Variants in FBLN5 observed in about 807,000 individuals in gnomAD.
FBLN5 encodes fibulin 5.
Under a neutral mutation model 61.6 loss-of-function variants are expected in FBLN5, and 24 were observed. The observed-to-expected ratio is 0.39, with a 90% CI of 0.28 to 0.55. The LOEUF is 0.55. Among genes scored for constraint, FBLN5 ranks in the 20% least tolerant of loss-of-function variants. The probability of loss-of-function intolerance (pLI) is 0.65; values close to 1 mark genes in which losing one functional copy is unlikely to be tolerated. For synonymous variants in FBLN5, 213 were observed against 219.8 expected, an observed-to-expected ratio of 0.97 and a Z score of 0.27; for missense variants, 470 against 594.1, an observed-to-expected ratio of 0.79 and a Z score of 2.17.
chr14:91,898,001 G>C (rs529811250), intron 4 of FBLN5, among the ~76,000 whole-genome samples: 16 of 152,262 alleles, frequency 1.1e-4, no homozygotes, highest in Non-Finnish European at 1.6e-4. Context: ...GGTGAGCCAA[G>C]ACTGCACCAC....
intron 6 of FBLN5, among the ~76,000 whole-genome samples, chr14:91,889,887 C>T (rs902626132): frequency 1.3e-5 from 2 of 152,260 alleles, no homozygotes; most frequent in African/African-American, 4.8e-5. Context: ...CTGAAAGACG[C>T]AGGCACCTTT....
At chr14:91,933,878 G>A (rs2055968852) in intron 4 of FBLN5, among the ~76,000 whole-genome samples, 1 of 152,176 alleles carries the variant, frequency 6.6e-6, no homozygotes, top group South Asian at 2.1e-4. Context: ...GGGAGGCCGA[G>A]GCATGAGGAT....
Position 91,937,209 on chromosome 14 carries a change from G to T in FBLN5, c.125-8C>A, listed in dbSNP as rs1317647068. On this transcript the variant is annotated splice_polypyrimidine_tract_variant and splice_region_variant and intron_variant, in intron 3 of 10. Transcript: ENST00000342058. ...TTCGGCATTCATCAATATCTGAAAG[G>T]CACAGAAAGGGCGAGCATTAGTGGC... The T allele has an allele frequency of 6.2e-7, 1 of 1,614,094 alleles. No homozygotes were observed. Among genetic ancestry groups the T allele is most frequent in the South Asian group, 1.1e-5 (1 of 91,076 alleles).
intron 4 of FBLN5, among the ~76,000 whole-genome samples, chr14:91,898,087 T>C (rs949552371): frequency 6.6e-6 from 1 of 152,236 alleles, no homozygotes; most frequent in South Asian, 2.1e-4. Flanking sequence ...ACGACACTTT[T>C]GTATTTGTTT....
intron 4 of FBLN5, among the ~76,000 whole-genome samples, chr14:91,902,503 G>T (rs919430960): frequency 6.6e-6 from 1 of 152,182 alleles, no homozygotes; most frequent in Non-Finnish European, 1.5e-5. Context: ...GGCTTGGAAA[G>T]CTGTGTTATT....
intron 4 of FBLN5, among the ~76,000 whole-genome samples, chr14:91,897,666 T>C (rs1391178364): frequency 6.6e-6 from 1 of 152,196 alleles, no homozygotes; most frequent in African/African-American, 2.4e-5. Context: ...AAGGGCCCCA[T>C]CGTGGGCATG....
chr14:91,882,874 G>A lies in FBLN5; in HGVS notation c.862+80C>T. 3 of 1,529,846 alleles carry A rather than the reference G, an allele frequency of 2.0e-6. No individual in the cohort carries two copies. In the South Asian group the frequency reaches 3.5e-5, roughly 18 times the overall value. The allele number at this position is 1,529,846 out of a possible 1,614,324, so 94.8% of individuals were successfully genotyped here. ...TCCCAAAGCTGCACATGATTCCCCA[G>A]GTGAGGATATCCAGATGAGCCCCTG... On this transcript the variant is annotated intron_variant, in intron 8 of 10. Transcript: ENST00000342058. The surrounding 1 kb of genome is among the most constrained non-coding windows in gnomAD (Gnocchi z 4.9).
At chr14:91,916,583 C>T (rs1467063149) in intron 4 of FBLN5, among the ~76,000 whole-genome samples, 2 of 152,210 alleles carry the variant, frequency 1.3e-5, no homozygotes, top group African/African-American at 2.4e-5. Flanking sequence ...AGTATCAGTA[C>T]TTGCTTACCT....
intron 4 of FBLN5, among the ~76,000 whole-genome samples, chr14:91,895,385 TGATTTA>T (rs1320096307): frequency 6.6e-6 from 1 of 152,220 alleles, no homozygotes; most frequent in Non-Finnish European, 1.5e-5. Context: ...AACCATTACT[TGATTTA>T]GAAAGCCATT....
chr14:91,894,085 C>G (rs1486765280), intron 5 of FBLN5, among the ~76,000 whole-genome samples: 1 of 152,202 alleles, frequency 6.6e-6, no homozygotes, highest in South Asian at 2.1e-4. Flanking sequence ...AAAAATACAT[C>G]CAAAACCATA....
chr14:91,904,980 C>T (rs1386219871), intron 4 of FBLN5, among the ~76,000 whole-genome samples: 5 of 152,174 alleles, frequency 3.3e-5, no homozygotes, highest in Admixed American at 3.3e-4. Flanking sequence ...GATACACCTT[C>T]CTGGCCTGAA....
chr14:91,919,953 A>G (rs941487726), intron 4 of FBLN5, among the ~76,000 whole-genome samples: 2 of 152,156 alleles, frequency 1.3e-5, no homozygotes, highest in African/African-American at 4.8e-5. Context: ...GCACCTCCCA[A>G]GCTTCCAGAG....
At position 91,943,743 on chromosome 14, in the gene FBLN5, T is replaced by C. The variant is rs2056142748; in HGVS notation, c.18-782A>G. Among the ~76,000 whole-genome samples the C allele has an allele frequency of 6.6e-6, 1 of 152,148 alleles. No homozygotes were observed. The highest frequency in any genetic ancestry group is 1.5e-5 in the Non-Finnish European group (1 of 68,020). ...ACAGGAAGTCACTGAACCAGAGCAT[T>C]GAGTCCACATGTGTGAAAATCCCCC... On this transcript the variant is annotated intron_variant, in intron 1 of 10. Coordinates refer to ENST00000342058, the MANE Select transcript of FBLN5 (RefSeq NM_006329.4). The surrounding 1 kb of genome is among the most constrained non-coding windows in gnomAD (Gnocchi z 4.0).
rs1022057402 is a variant in FBLN5, at chr14:91,908,248, T to C, written c.380-13176A>G. Reference sequence around the variant, plus strand: ...CTCCCGTTCTTGACTCCAATCAGGCTTCCTTCTCTTTTATTCCATTAAAGC... The same window carrying C: ...CTCCCGTTCTTGACTCCAATCAGGCCTCCTTCTCTTTTATTCCATTAAAGC... On this transcript the variant is annotated intron_variant, in intron 4 of 10. Transcript: ENST00000342058. 7.2e-5 allele frequency among the ~76,000 whole-genome samples: 11 copies of C among 152,204 alleles called. No homozygotes were observed. In the East Asian group the frequency reaches 2.1e-3, roughly 29 times the overall value.
At chr14:91,897,627 G>C (rs953953841) in intron 4 of FBLN5, among the ~76,000 whole-genome samples, 1 of 152,226 alleles carries the variant, frequency 6.6e-6, no homozygotes, top group South Asian at 2.1e-4. Flanking sequence ...ACGCATGCCA[G>C]CAGGCCAGGC....
rs372663860 is a variant in FBLN5, at chr14:91,882,188, A to T, written c.862+766T>A. 2.6e-5 allele frequency among the ~76,000 whole-genome samples: 4 copies of T among 152,154 alleles called. No homozygotes were observed. In the East Asian group the frequency reaches 7.7e-4, roughly 29 times the overall value. ...AAAAAAAAGAAAGAAAGAAAAGAAA[A>T]TATAGTAGTAAAAGTAATTTTACCC... On this transcript the variant is annotated intron_variant, in intron 8 of 10. Coordinates refer to ENST00000342058, the MANE Select transcript of FBLN5 (RefSeq NM_006329.4). This position sits in a 1 kb window ranked among gnomAD's most constrained non-coding sequence, Gnocchi z 4.9.
chr14:91,890,248 C>A (rs886859935), intron 6 of FBLN5, among the ~76,000 whole-genome samples: 1 of 152,110 alleles, frequency 6.6e-6, no homozygotes, highest in Non-Finnish European at 1.5e-5. Flanking sequence ...TCCTATTTAC[C>A]GATGATTTAG....
chr14:91,876,503 A>G, intron 10 of FBLN5, among the ~76,000 whole-genome samples: 1 of 152,154 alleles, frequency 6.6e-6, no homozygotes, highest in East Asian at 1.9e-4. Flanking sequence ...GAATCTGGAC[A>G]GAGAGATTAT....
intron 4 of FBLN5, among the ~76,000 whole-genome samples, chr14:91,913,793 C>T (rs927444829): frequency 1.8e-4 from 28 of 152,144 alleles, no homozygotes; most frequent in African/African-American, 5.8e-4. Context: ...CTGATGACAA[C>T]GCAATTAAGT....
Sources: allele counts gnomAD v4.1 joint callset (sites outside exome capture counted in the v4.1 genomes callset), GRCh38; gene constraint gnomAD v4.1.1; non-coding constraint Gnocchi (gnomAD v3.1); transcripts MANE v1.5; gene names NCBI Gene and HGNC (gene_info 2026-07-23, HGNC 2026-07-21).